PHC1: variants seen among roughly 807,000 people sequenced by gnomAD.
The protein encoded by PHC1 is polyhomeotic-like protein 1.
In PHC1, 12 loss-of-function variants were observed where a neutral mutation model predicts 104.3. That is an observed-to-expected ratio of 0.12 (90% CI 0.07 to 0.19). PHC1 has a LOEUF of 0.19. Ranked by LOEUF, PHC1 falls within the 10% of genes least tolerant of loss-of-function variation. The probability of loss-of-function intolerance (pLI) is 1.00; values close to 1 mark genes in which losing one functional copy is unlikely to be tolerated. For synonymous variants in PHC1, 302 were observed against 455.8 expected (o/e 0.66, Z 4.30); for missense variants, 671 against 1,200.0 (o/e 0.56, Z 6.51).
Position 8,914,725 on chromosome 12 carries a change from C to T in PHC1, c.-151C>T, listed in dbSNP as rs1224019839. 2 of 152,020 alleles carry T rather than the reference C, an allele frequency of 1.3e-5. No homozygotes were observed. Among genetic ancestry groups the T allele is most frequent in the African/African-American group, 4.8e-5 (2 of 41,334 alleles). 9.4% of individuals were successfully genotyped at this position (152,020 alleles called of 1,614,324 possible). On this transcript the variant is annotated 5_prime_UTR_variant, in exon 1 of 15. Transcript: ENST00000544916. Reference sequence around the variant, plus strand: ...AGGGGAGGAGGCGAGGGGAGCCCGCCGCGGAGGCCGAGCGAGCCCCCAGCC... The same window carrying T: ...AGGGGAGGAGGCGAGGGGAGCCCGCTGCGGAGGCCGAGCGAGCCCCCAGCC...
intron 6 of PHC1, among the ~76,000 whole-genome samples, chr12:8,923,829 C>CAA (rs67936637): frequency 0.018 from 2,213 of 121,730 alleles, 140 homozygotes; most frequent in African/African-American, 0.05. Flanking sequence ...GACTCCGTCT[C>CAA]AAAAAAAAAA....
chr12:8,931,172 C>T (rs186459064), intron 7 of PHC1, among the ~76,000 whole-genome samples: 8 of 152,224 alleles, frequency 5.3e-5, no homozygotes, highest in Admixed American at 1.3e-4. Context: ...TTCCCCTGTC[C>T]GCTTTCTTAG....
At chr12:8,924,144 T>G (rs10771216) in intron 6 of PHC1, among the ~76,000 whole-genome samples, 102,690 of 151,956 alleles carry the variant, frequency 0.68, 35,063 homozygotes, top group South Asian at 0.83. Flanking sequence ...GATTAAAAAA[T>G]AAATGTGAGT....
At position 8,930,895 on chromosome 12, in the gene PHC1, C is replaced by T; in HGVS notation, c.1073C>T (p.Thr358Ile). Residue 358 changes from threonine (T) to isoleucine (I), a missense_variant, in exon 7 of 15, where the codon ACA becomes ATA. Coordinates refer to ENST00000544916, the MANE Select transcript of PHC1 (RefSeq NM_004426.3). Reference sequence around the variant, plus strand: ...GGCATGAACCTGACACGGACAGCCACACCTGCGCCCAGCCAGACACTTATT... The same window carrying T: ...GGCATGAACCTGACACGGACAGCCATACCTGCGCCCAGCCAGACACTTATT... ...NVGMNLTRTA[T>I]PAPSQTLISS... 1.3e-6 allele frequency: 2 copies of T among 1,598,798 alleles called. No homozygotes were observed. Among genetic ancestry groups the T allele is most frequent in the Non-Finnish European group, 1.7e-6 (2 of 1,171,228 alleles).
chr12:8,927,544 T>TG (rs1945551251), intron 6 of PHC1, among the ~76,000 whole-genome samples: 1 of 152,064 alleles, frequency 6.6e-6, no homozygotes, highest in Admixed American at 6.5e-5. Flanking sequence ...TGCAGATAAA[T>TG]GTATAGATTC....
Position 8,920,966 on chromosome 12 carries a change from T to C in PHC1, c.226-19T>C. The C allele has an allele frequency of 6.3e-7, 1 of 1,583,912 alleles. No homozygotes were observed. ...CTTCACTGTCTTTGCTATTTCTTGT[T>C]TCCCTTCCCCTTTAATAGGCCACAA... is the stretch of plus-strand genomic sequence containing the variant. On this transcript the variant is annotated intron_variant, in intron 3 of 14. Coordinates refer to ENST00000544916, the MANE Select transcript of PHC1 (RefSeq NM_004426.3).
rs2137112066 is a variant in PHC1, at chr12:8,932,424, C to T, written c.1106-139C>T. Reference sequence around the variant, plus strand: ...TATGGACGAAGTGATGTCCAAGTTTCATACTGACTAGATTTCTTTTCACCG... The same window carrying T: ...TATGGACGAAGTGATGTCCAAGTTTTATACTGACTAGATTTCTTTTCACCG... On this transcript the variant is annotated intron_variant, in intron 7 of 14. Transcript: ENST00000544916. 3 of 817,890 alleles carry T rather than the reference C, an allele frequency of 3.7e-6. No individual in the cohort carries two copies. The East Asian group carries it at 8.0e-5, about 22-fold the overall frequency. The allele number at this position is 817,890 out of a possible 1,614,324, so 50.7% of individuals were successfully genotyped here.
At position 8,935,183 on chromosome 12, in the gene PHC1, A is replaced by C; in HGVS notation, c.2313A>C (p.Thr771=). The change falls in exon 11 of 15, where the codon ACA becomes ACC. Residue 771 remains threonine, a synonymous_variant. Transcript: ENST00000544916. The part of the protein sequence containing the change: ...SEKPLQTGLP[T]GLTENQSGGP... ...AGCCACTACAGACTGGCCTTCCGACAGGGCTGACTGAGAATCAGTCAGGTG... is the reference window on the plus strand; with the variant it reads ...AGCCACTACAGACTGGCCTTCCGACCGGGCTGACTGAGAATCAGTCAGGTG... The C allele has an allele frequency of 6.3e-7, 1 of 1,593,072 alleles. No individual in the cohort carries two copies. Among genetic ancestry groups the C allele is most frequent in the Non-Finnish European group, 8.6e-7 (1 of 1,167,020 alleles).
chr12:8,917,159 A>G (rs1333724861), intron 1 of PHC1, among the ~76,000 whole-genome samples: 2 of 152,244 alleles, frequency 1.3e-5, no homozygotes, highest in Admixed American at 6.5e-5. Context: ...TATGAGAGAG[A>G]TACAGCATAG....
intron 6 of PHC1, among the ~76,000 whole-genome samples, chr12:8,929,355 C>G (rs2137099637): frequency 6.6e-6 from 1 of 152,208 alleles, no homozygotes; most frequent in African/African-American, 2.4e-5. Flanking sequence ...TTTCAATACA[C>G]CAGGCCCTTA....
rs2137060167 is a variant in PHC1, at chr12:8,919,538, A to G, written c.115-218A>G. The stretch of plus-strand genomic sequence containing the variant: ...AGCCTAGGAGTTTGAGGTTACAGTA[A>G]ACTATGATCACGCCACTGTGCTCCA... On this transcript the variant is annotated intron_variant, in intron 2 of 14. Coordinates refer to ENST00000544916, the MANE Select transcript of PHC1 (RefSeq NM_004426.3). This position sits in a 1 kb window ranked among gnomAD's most constrained non-coding sequence, Gnocchi z 4.9. Among the ~76,000 whole-genome samples the G allele has an allele frequency of 6.6e-6, 1 of 152,312 alleles. No individual in the cohort carries two copies. Among genetic ancestry groups the G allele is most frequent in the Middle Eastern group, 3.4e-3 (1 of 294 alleles).
At chr12:8,920,958 T>C (rs1454370199) in intron 3 of PHC1, 27 bp from the exon 4 acceptor site, 2 of 1,550,170 alleles carry the variant, frequency 1.3e-6, no homozygotes, top group African/African-American at 1.4e-5. Context: ...GTCTTTGCTA[T>C]TTCTTGTTTC....
intron 7 of PHC1, among the ~76,000 whole-genome samples, chr12:8,932,069 T>C (rs1273995052): frequency 6.6e-6 from 1 of 152,204 alleles, no homozygotes; most frequent in Non-Finnish European, 1.5e-5. Context: ...AAGTCATTTG[T>C]GGGAAGACGT....
chr12:8,933,504 A>G, intron 8 of PHC1, 154 bp downstream of exon 8: 1 of 1,019,594 alleles, frequency 9.8e-7, no homozygotes, highest in Admixed American at 3.0e-5. Context: ...GACACATTAT[A>G]TAATATCTGA....
At chr12:8,915,908 T>A (rs1945187317) in intron 1 of PHC1, 1 of 154,364 alleles carries the variant, frequency 6.5e-6, no homozygotes, top group East Asian at 1.9e-4. Flanking sequence ...ACGGTTTGTA[T>A]TTTCACATGT....
chr12:8,936,576 CAT>C (rs1221446130), intron 11 of PHC1, among the ~76,000 whole-genome samples: 2 of 152,158 alleles, frequency 1.3e-5, no homozygotes, highest in African/African-American at 4.8e-5. Context: ...GAAATTGAAT[CAT>C]ATCTGAAATC....
Position 8,919,706 on chromosome 12 carries a change from T to C in PHC1, c.115-50T>C. 6.5e-7 allele frequency: 1 copy of C among 1,540,984 alleles called. No individual in the cohort carries two copies. The highest frequency in any genetic ancestry group is 8.9e-7 in the Non-Finnish European group (1 of 1,125,972). The stretch of plus-strand genomic sequence containing the variant: ...CACAAATACAGTGATTTACATAGAA[T>C]AGGAGCTAGGAGTGGTCCATTCTAA... On this transcript the variant is annotated intron_variant, in intron 2 of 14. Coordinates refer to ENST00000544916, the MANE Select transcript of PHC1 (RefSeq NM_004426.3). This position sits in a 1 kb window ranked among gnomAD's most constrained non-coding sequence, Gnocchi z 4.9.
At chr12:8,932,521 G>A (rs776319988) in intron 7 of PHC1, 42 bp from the exon 8 acceptor site, 18 of 1,591,976 alleles carry the variant, frequency 1.1e-5, no homozygotes, top group Admixed American at 6.7e-5. Context: ...ATTATTCTCT[G>A]CTCTTTTTTC....
Position 8,936,925 on chromosome 12 carries a change from G to A in PHC1, c.2438G>A (p.Arg813His), listed in dbSNP as rs764672908. 8 of 1,613,006 alleles carry A rather than the reference G, an allele frequency of 5.0e-6. No individual in the cohort carries two copies. Among genetic ancestry groups the A allele is most frequent in the Admixed American group, 3.3e-5 (2 of 60,000 alleles). Reference protein sequence around the residue: ...CGKYAPAEQFRGSKRFCSMTC... With the variant: ...CGKYAPAEQFHGSKRFCSMTC... ...AAGTACGCCCCCGCAGAGCAGTTTC[G>A]TGGCTCTAAGAGGTTCTGCTCCATG... is the stretch of plus-strand genomic sequence containing the variant. The change falls in exon 12 of 15, where the codon CGT becomes CAT. Residue 813 changes from arginine to histidine, a missense_variant. Physicochemically the swap from Arg to His is conservative, Grantham distance 29 (BLOSUM62 0). Around this residue, in one of 9 missense-constraint regions of PHC1, gnomAD observed 192 missense variants for 280.5 expected, o/e 0.68. Transcript: ENST00000544916.
Sources: allele counts gnomAD v4.1 joint callset (sites outside exome capture counted in the v4.1 genomes callset), GRCh38; gene constraint gnomAD v4.1.1; regional missense constraint gnomAD v4.1.1; non-coding constraint Gnocchi (gnomAD v3.1); transcripts MANE v1.5; gene names NCBI Gene and HGNC (gene_info 2026-07-23, HGNC 2026-07-21).